CSMD1: variants seen among roughly 807,000 people sequenced by gnomAD.
CSMD1 encodes the protein CUB and sushi domain-containing protein 1.
CSMD1 carries 213 observed loss-of-function variants against 417.5 expected under a neutral mutation model. The ratio of observed to expected loss-of-function variants is 0.51; its 90% CI spans 0.46 to 0.57. CSMD1 has a LOEUF of 0.57. Among genes scored for constraint, CSMD1 ranks in the 20% least tolerant of loss-of-function variants. The pLI is 0.00. For missense variants in CSMD1, 6,923 were observed against 4,529.7 expected (o/e 1.53, Z -15.17); for synonymous variants, 2,862 against 1,736.8 (o/e 1.65, Z -16.11).
intron 3 of CSMD1, among the ~76,000 whole-genome samples, chr8:4,359,155 C>G (rs920173017): frequency 5.3e-5 from 8 of 152,142 alleles, no homozygotes; most frequent in Admixed American, 4.6e-4. Context: ...AGTTCGGTCA[C>G]TAATAAGTTA....
chr8:4,620,237 A>G (rs1801693934), intron 2 of CSMD1, among the ~76,000 whole-genome samples: 2 of 151,686 alleles, frequency 1.3e-5, no homozygotes, highest in Non-Finnish European at 3.0e-5. Flanking sequence ...ATCAAATAGT[A>G]AATAAAACTA....
intron 7 of CSMD1, among the ~76,000 whole-genome samples, chr8:3,656,274 G>C (rs908444695): frequency 2.0e-5 from 3 of 152,196 alleles, no homozygotes; most frequent in South Asian, 2.1e-4. Context: ...TCAAACGTGA[G>C]TTTACTCAAC....
intron 10 of CSMD1, among the ~76,000 whole-genome samples, chr8:3,498,476 G>A (rs1167541500): frequency 6.6e-6 from 1 of 152,154 alleles, no homozygotes; most frequent in Non-Finnish European, 1.5e-5. Flanking sequence ...ATGCTCTTTG[G>A]AGAGCATCTT....
chr8:3,757,999 T>C (rs1010154711), intron 5 of CSMD1, among the ~76,000 whole-genome samples: 5 of 152,178 alleles, frequency 3.3e-5, no homozygotes, highest in Admixed American at 6.5e-5. Flanking sequence ...AGTCTTGCTC[T>C]GTCACCCAGG....
chr8:3,084,190 G>A (rs577151000), intron 49 of CSMD1, among the ~76,000 whole-genome samples: 7 of 152,114 alleles, frequency 4.6e-5, no homozygotes, highest in Non-Finnish European at 5.9e-5. Context: ...AGGCCAAAGT[G>A]TTTCTACAAC....
In CSMD1 at chr8:3,127,036, A is replaced by G. The variant is rs189844597; in HGVS notation, c.6242-8449T>C. 2.0e-3 allele frequency among the ~76,000 whole-genome samples: 305 copies of G among 152,318 alleles called. 2 individuals carry two copies. The highest frequency in any genetic ancestry group is 6.9e-3 in the African/African-American group (286 of 41,572). ...TGTTGCTTTTGCTTTCAGAAAACCC[A>G]TACAAGAAGGAGTAGATGCCTGTGA... On this transcript the variant is annotated intron_variant, in intron 41 of 69. Coordinates refer to ENST00000635120, the MANE Select transcript of CSMD1 (RefSeq NM_033225.6).
intron 41 of CSMD1, among the ~76,000 whole-genome samples, chr8:3,129,922 A>C (rs997450866): frequency 1.3e-5 from 2 of 152,070 alleles, no homozygotes; most frequent in Non-Finnish European, 1.5e-5. Context: ...CGGAGGTTGC[A>C]GTGAGCCGAG....
At chr8:3,556,533 C>G (rs1181341128) in intron 10 of CSMD1, among the ~76,000 whole-genome samples, 1 of 148,796 alleles carries the variant, frequency 6.7e-6, no homozygotes, top group Non-Finnish European at 1.5e-5. Context: ...CACACACACA[C>G]ACACACACAC....
intron 3 of CSMD1, among the ~76,000 whole-genome samples, chr8:4,159,945 G>C (rs1797054286): frequency 6.6e-6 from 1 of 152,182 alleles, no homozygotes; most frequent in East Asian, 1.9e-4. Flanking sequence ...GAGGGGAAAG[G>C]GTGGGAGGGG....
At chr8:3,670,531 ATCCCATATACATAT>A in intron 7 of CSMD1, among the ~76,000 whole-genome samples, 1 of 98,470 alleles carries the variant, frequency 1.0e-5, no homozygotes, top group Non-Finnish European at 2.6e-5. Context: ...ATATACATAT[ATCCCATATACATAT>A]ATCCCATATA....
At chr8:3,609,621 A>C (rs1233562524) in intron 8 of CSMD1, among the ~76,000 whole-genome samples, 1 of 152,048 alleles carries the variant, frequency 6.6e-6, no homozygotes, top group Non-Finnish European at 1.5e-5. Context: ...TTAACAAAAC[A>C]GCCCCAAGTT....
rs1486452475 is a variant in CSMD1 at position 4,468,692 on chromosome 8, AAG to A, written c.303-48629_303-48628del. Among the ~76,000 whole-genome samples, 4 of 152,176 alleles carry A rather than the reference AAG, an allele frequency of 2.6e-5. No homozygotes were observed. In the East Asian group the frequency reaches 5.8e-4, roughly 22 times the overall value. On this transcript the variant is annotated intron_variant, in intron 2 of 69. Transcript: ENST00000635120. ...TCCCCTGGACTGTATGTATCATAACAAGAGTGTTTAGCATAATTCAAAAACAT... is the reference window on the plus strand; with the variant it reads ...TCCCCTGGACTGTATGTATCATAACAAGTGTTTAGCATAATTCAAAAACAT...
At chr8:4,494,346 C>G (rs1393198310) in intron 2 of CSMD1, among the ~76,000 whole-genome samples, 2 of 152,126 alleles carry the variant, frequency 1.3e-5, no homozygotes, top group African/African-American at 2.4e-5. Flanking sequence ...ATTGCAATTG[C>G]TCAGTGACAT....
At chr8:3,831,050 G>T (rs566883693) in intron 5 of CSMD1, among the ~76,000 whole-genome samples, 8 of 152,240 alleles carry the variant, frequency 5.3e-5, no homozygotes, top group African/African-American at 1.2e-4. Flanking sequence ...AACAGGGTTT[G>T]GGTGTTGGAA....
At chr8:4,381,086 T>A (rs529132469) in intron 3 of CSMD1, among the ~76,000 whole-genome samples, 1 of 152,166 alleles carries the variant, frequency 6.6e-6, no homozygotes, top group African/African-American at 2.4e-5. Context: ...TCAAAAGTAA[T>A]TGTGGTTTTA....
intron 3 of CSMD1, among the ~76,000 whole-genome samples, chr8:4,291,782 T>C (rs1797382406): frequency 6.6e-6 from 1 of 152,222 alleles, no homozygotes; most frequent in African/African-American, 2.4e-5. Flanking sequence ...TTTTAAGAGC[T>C]AATATAAGAC....
At position 2,951,136 on chromosome 8, in the gene CSMD1, C is replaced by G. The variant is rs767535238; in HGVS notation, c.10179G>C (p.Ser3393=). ...SKVNATFSEA[S]PVELKLTGIY... ...TACCTGTCAACTTCAGCTCCACTGG[C>G]GAGGCTTCGCTGAAGGTGGCATTCA... Residue 3393 remains serine (S), a synonymous_variant, in exon 66 of 70, where the codon TCG becomes TCC. Transcript: ENST00000635120. The G allele has an allele frequency of 1.2e-6, 2 of 1,613,136 alleles. No homozygotes were observed. Among genetic ancestry groups the G allele is most frequent in the Non-Finnish European group, 1.7e-6 (2 of 1,179,444 alleles).
chr8:3,345,755 G>A (rs928613046), intron 22 of CSMD1, among the ~76,000 whole-genome samples: 4 of 152,168 alleles, frequency 2.6e-5, no homozygotes, highest in Non-Finnish European at 4.4e-5. Context: ...TGCTGGGTTA[G>A]CTGATGATCA....
chr8:4,392,751 C>T (rs568003401), intron 3 of CSMD1, among the ~76,000 whole-genome samples: 2 of 151,466 alleles, frequency 1.3e-5, no homozygotes, highest in South Asian at 2.1e-4. Flanking sequence ...GGGCGGATCA[C>T]GAGGTCAAGA....
Sources: allele counts gnomAD v4.1 joint callset (sites outside exome capture counted in the v4.1 genomes callset), GRCh38; gene constraint gnomAD v4.1.1; transcripts MANE v1.5; gene names NCBI Gene and HGNC (gene_info 2026-07-23, HGNC 2026-07-21).